KCNIP4: variants seen among roughly 807,000 people sequenced by gnomAD.
The protein encoded by KCNIP4 is Kv channel-interacting protein 4.
A neutral mutation model predicts 34.0 loss-of-function variants in KCNIP4; 12 were observed. That is an observed-to-expected ratio of 0.35 (90% confidence interval 0.23 to 0.57). The LOEUF (loss-of-function observed/expected upper bound fraction) is 0.57. Ranked by LOEUF, KCNIP4 falls within the 20% of genes least tolerant of loss-of-function variation. The probability of loss-of-function intolerance (pLI) is 0.83; values close to 1 mark genes in which losing one functional copy is unlikely to be tolerated. For missense variants in KCNIP4, 238 were observed against 311.7 expected, an observed-to-expected ratio of 0.76 and a Z score of 1.78; for synonymous variants, 124 against 102.2, an observed-to-expected ratio of 1.21 and a Z score of -1.29.
At chr4:21,528,192 T>G (rs1736137414) in intron 1 of KCNIP4, among the ~76,000 whole-genome samples, 1 of 152,158 alleles carries the variant, frequency 6.6e-6, no homozygotes, top group Non-Finnish European at 1.5e-5. Flanking sequence ...ACACTCAGCT[T>G]TGCAGTACTT....
intron 1 of KCNIP4, among the ~76,000 whole-genome samples, chr4:21,085,567 C>T (rs1236591834): frequency 1.3e-5 from 2 of 152,196 alleles, no homozygotes; most frequent in Non-Finnish European, 2.9e-5. Context: ...TGGGAACACC[C>T]TGGTGACACC....
chr4:21,907,707 T>A (rs959887476), intron 1 of KCNIP4, among the ~76,000 whole-genome samples: 1 of 152,240 alleles, frequency 6.6e-6, no homozygotes, highest in East Asian at 1.9e-4. Context: ...TCACCAACCC[T>A]TGACATAAGC....
chr4:21,268,965 G>T (rs1761979029), intron 1 of KCNIP4, among the ~76,000 whole-genome samples: 1 of 152,204 alleles, frequency 6.6e-6, no homozygotes, highest in East Asian at 1.9e-4. Flanking sequence ...GGTAGATCTT[G>T]TCTTAATTAT....
intron 1 of KCNIP4, among the ~76,000 whole-genome samples, chr4:21,198,196 T>G (rs1471774152): frequency 6.6e-6 from 1 of 152,200 alleles, no homozygotes; most frequent in Non-Finnish European, 1.5e-5. Context: ...CTTCTAACAA[T>G]TAGTCCAGGA....
chr4:20,771,864 G>T (rs978580122), intron 3 of KCNIP4, among the ~76,000 whole-genome samples: 1 of 152,030 alleles, frequency 6.6e-6, no homozygotes, highest in African/African-American at 2.4e-5. Flanking sequence ...TAGAGACGGG[G>T]TTTCACCGTG....
intron 1 of KCNIP4, among the ~76,000 whole-genome samples, chr4:21,452,326 T>G (rs564573958): frequency 6.6e-6 from 1 of 152,104 alleles, no homozygotes; most frequent in Non-Finnish European, 1.5e-5. Context: ...AGAAGGAAGT[T>G]AGAAGCTGCC....
chr4:20,979,060 G>A (rs75030582), intron 1 of KCNIP4, among the ~76,000 whole-genome samples: 9,236 of 152,098 alleles, frequency 0.061, 906 homozygotes, highest in African/African-American at 0.21. Context: ...CAATAATCGA[G>A]GACCTTGTAA....
chr4:21,425,182 C>A (rs958514064), intron 1 of KCNIP4, among the ~76,000 whole-genome samples: 13 of 152,028 alleles, frequency 8.6e-5, no homozygotes, highest in Non-Finnish European at 1.9e-4. Context: ...CTATCTTGCC[C>A]TAACCCTTCT....
At chr4:21,054,455 G>T (rs1346019646) in intron 1 of KCNIP4, among the ~76,000 whole-genome samples, 1 of 151,666 alleles carries the variant, frequency 6.6e-6, no homozygotes, top group East Asian at 1.9e-4. Context: ...GGAGGCAGAG[G>T]TTGCAGAGAG....
chr4:21,203,764 G>A (rs1756656413), intron 1 of KCNIP4, among the ~76,000 whole-genome samples: 1 of 152,220 alleles, frequency 6.6e-6, no homozygotes, highest in Non-Finnish European at 1.5e-5. Context: ...TCTTATGAAT[G>A]TCTTAAAGAA....
At chr4:21,709,139 A>C (rs74286722) in intron 1 of KCNIP4, among the ~76,000 whole-genome samples, 2,646 of 152,248 alleles carry the variant, frequency 0.017, 75 homozygotes, top group African/African-American at 0.052. Context: ...CCAAAAAAAA[A>C]CAATTGTGAG....
In KCNIP4 at chr4:20,850,590, T is replaced by C; in HGVS notation, c.241A>G (p.Lys81Glu). 1 of 1,612,968 alleles carries C rather than the reference T, an allele frequency of 6.2e-7. No homozygotes were observed. Among genetic ancestry groups the C allele is most frequent in the Non-Finnish European group, 8.5e-7 (1 of 1,179,746 alleles). Residue 81 changes from lysine to glutamate, a missense_variant, in exon 3 of 9, where the codon AAA becomes GAA. Physicochemically the swap from Lys to Glu is moderately conservative, Grantham distance 56 (BLOSUM62 1). Transcript: ENST00000382152. ...EALELLEAQS[K>E]FTKKELQILY... ...ATCTGAAGCTCTTTCTTGGTAAATTTGCTCTGGGCTTCCAGAAGCTCAAGG... is the reference window on the plus strand; with the variant it reads ...ATCTGAAGCTCTTTCTTGGTAAATTCGCTCTGGGCTTCCAGAAGCTCAAGG...
intron 1 of KCNIP4, among the ~76,000 whole-genome samples, chr4:20,943,546 C>T (rs777541645): frequency 3.3e-5 from 5 of 152,070 alleles, no homozygotes; most frequent in African/African-American, 9.7e-5. Context: ...CTATTCTGTG[C>T]ACTTTAAATT....
intron 1 of KCNIP4, among the ~76,000 whole-genome samples, chr4:21,913,481 A>G (rs996405): frequency 0.25 from 37,747 of 151,826 alleles, 5,577 homozygotes; most frequent in East Asian, 0.61. Context: ...GGCCTTCACA[A>G]GCAACCTCTC....
At chr4:21,696,029 G>A (rs1008297239) in intron 1 of KCNIP4, among the ~76,000 whole-genome samples, 1 of 152,062 alleles carries the variant, frequency 6.6e-6, no homozygotes, top group African/African-American at 2.4e-5. Context: ...GCAAAAGTCA[G>A]ATACAGACTC....
intron 1 of KCNIP4, among the ~76,000 whole-genome samples, chr4:21,275,421 C>A (rs560887031): frequency 4.6e-5 from 7 of 152,184 alleles, no homozygotes; most frequent in Non-Finnish European, 7.3e-5. Flanking sequence ...AACCTCAATG[C>A]GAGCAACTCA....
rs372158857 is a variant in KCNIP4 at position 21,285,674 on chromosome 4, CA to C, written c.62-402966del. 5.1e-3 allele frequency among the ~76,000 whole-genome samples: 774 copies of C among 151,548 alleles called. 5 individuals are homozygous for C. The highest frequency in any genetic ancestry group is 0.017 in the African/African-American group (716 of 41,326). ...TGAAACTCCGTCTCTACTAAAAATC[CA>C]AAAACAAAACAAAAAAAAAGCCAGG... On this transcript the variant is annotated intron_variant, in intron 1 of 8. Transcript: ENST00000382152.
intron 1 of KCNIP4, among the ~76,000 whole-genome samples, chr4:21,661,009 C>G (rs1748406230): frequency 6.6e-6 from 1 of 152,054 alleles, no homozygotes; most frequent in East Asian, 1.9e-4. Flanking sequence ...TGCCATGCCC[C>G]TATTCTGTGC....
At chr4:21,725,827 A>G (rs1560667855) in intron 1 of KCNIP4, among the ~76,000 whole-genome samples, 1 of 152,284 alleles carries the variant, frequency 6.6e-6, no homozygotes. Flanking sequence ...CATAGCAGGT[A>G]TATAATAAAT....
Sources: gnomAD v4.1 joint callset for allele counts (sites outside exome capture counted in the v4.1 genomes callset) on GRCh38, gnomAD v4.1.1 for gene constraint, MANE v1.5 for transcripts, NCBI Gene and HGNC (gene_info 2026-07-23, HGNC 2026-07-21) for gene names.